The following ZEB1 variants were observed in gnomAD, a reference collection of about 807,000 sequenced individuals.
ZEB1 encodes the protein zinc finger E-box binding homeobox 1, also known as zinc finger E-box-binding homeobox 1.
Under a neutral mutation model 84.9 loss-of-function variants are expected in ZEB1, and 21 were observed. The observed-to-expected ratio is 0.25, with a 90% CI of 0.18 to 0.36. ZEB1 has a LOEUF of 0.36. Ranked by LOEUF, ZEB1 falls within the 10% of genes least tolerant of loss-of-function variation. ZEB1 has a pLI of 1.00. For synonymous variants in ZEB1, 420 were observed against 471.1 expected (o/e 0.89, Z 1.41); for missense variants, 1,104 against 1,330.2 (o/e 0.83, Z 2.65).
intron 1 of ZEB1, among the ~76,000 whole-genome samples, chr10:31,349,297 A>G (rs2040883288): frequency 6.6e-6 from 1 of 152,238 alleles, no homozygotes; most frequent in African/African-American, 2.4e-5. Flanking sequence ...TGCGTATACT[A>G]CATTCTCTCT....
intron 2 of ZEB1, among the ~76,000 whole-genome samples, chr10:31,468,841 C>T (rs1251428483): frequency 6.6e-6 from 1 of 152,120 alleles, no homozygotes; most frequent in Non-Finnish European, 1.5e-5. Flanking sequence ...GAGAAGGAAC[C>T]AGCACAAGAG....
intron 1 of ZEB1, among the ~76,000 whole-genome samples, chr10:31,417,934 A>G (rs764073883): frequency 7.9e-5 from 12 of 152,046 alleles, no homozygotes; most frequent in Admixed American, 2.0e-4. Context: ...CATCCCTAAT[A>G]TAGTATAAGT....
At chr10:31,369,478 T>C (rs2045291203) in intron 1 of ZEB1, among the ~76,000 whole-genome samples, 1 of 152,228 alleles carries the variant, frequency 6.6e-6, no homozygotes, top group African/African-American at 2.4e-5. Context: ...CTGCCTGACT[T>C]ATTTCACTTA....
At position 31,510,885 on chromosome 10, in the gene ZEB1, A is replaced by T; in HGVS notation, c.687+10A>T. On this transcript the variant is annotated intron_variant, in intron 5 of 8. Coordinates refer to ENST00000424869, the MANE Select transcript of ZEB1 (RefSeq NM_001174096.2). ...ATCAGGAAGAGATCAAGTAAGTGCA[A>T]TGACTGAGAGTTCACTAACTTTCCA... 6.2e-7 allele frequency: 1 copy of T among 1,613,188 alleles called. No homozygotes were observed. The highest frequency in any genetic ancestry group is 8.5e-7 in the Non-Finnish European group (1 of 1,179,444).
At chr10:31,460,958 CTT>C (rs1282600761) in intron 1 of ZEB1, 77 bp from the exon 2 acceptor site, 8 of 1,155,514 alleles carry the variant, frequency 6.9e-6, no homozygotes, top group African/African-American at 1.5e-5. Flanking sequence ...TTTTAAGCAT[CTT>C]TTTTATTTTT....
At chr10:31,480,011 A>G (rs1048438249) in intron 2 of ZEB1, among the ~76,000 whole-genome samples, 4 of 152,102 alleles carry the variant, frequency 2.6e-5, no homozygotes, top group South Asian at 4.1e-4. Flanking sequence ...CTTTTTAAGT[A>G]TAACTTTTGA....
chr10:31,503,229 G>C lies in ZEB1; in HGVS notation c.484+720G>C, dbSNP rs531485261. ...TCTAATAAAGGTTAAACCTTTTAAA[G>C]TTTGTCAGGTCCATACAGTACGATC... is the stretch of plus-strand genomic sequence containing the variant. On this transcript the variant is annotated intron_variant, in intron 4 of 8. Coordinates refer to ENST00000424869, the MANE Select transcript of ZEB1 (RefSeq NM_001174096.2). Among the ~76,000 whole-genome samples, 42 of 152,118 alleles carry C rather than the reference G, an allele frequency of 2.8e-4. 1 individual carries two copies. In the South Asian group the frequency reaches 8.5e-3, roughly 31 times the overall value.
chr10:31,386,019 TTTTAA>T (rs1161041516), intron 1 of ZEB1, among the ~76,000 whole-genome samples: 14 of 152,290 alleles, frequency 9.2e-5, no homozygotes, highest in African/African-American at 3.1e-4. Flanking sequence ...CATCTTCTGA[TTTTAA>T]TTTAATATTA....
At chr10:31,437,333 C>G (rs537387718) in intron 1 of ZEB1, among the ~76,000 whole-genome samples, 1 of 152,104 alleles carries the variant, frequency 6.6e-6, no homozygotes, top group Non-Finnish European at 1.5e-5. Context: ...CTTCATTCTC[C>G]TATCTTCTGA....
chr10:31,397,515 T>C (rs1017712369), intron 1 of ZEB1, among the ~76,000 whole-genome samples: 7 of 152,136 alleles, frequency 4.6e-5, no homozygotes, highest in African/African-American at 1.7e-4. Context: ...GTCTGCTTTC[T>C]GCAGAATACA....
At chr10:31,495,670 G>A (rs1435138518) in intron 2 of ZEB1, 106 bp from the exon 3 acceptor site, 3 of 1,105,152 alleles carry the variant, frequency 2.7e-6, no homozygotes, top group Non-Finnish European at 4.2e-6. Context: ...TATACAATGT[G>A]TAATGATCAG....
At chr10:31,356,671 T>G (rs186885770) in intron 1 of ZEB1, among the ~76,000 whole-genome samples, 53 of 152,296 alleles carry the variant, frequency 3.5e-4, no homozygotes, top group African/African-American at 1.2e-3. Context: ...CTTATTTCTT[T>G]CATGTACCTA....
At chr10:31,431,763 T>A (rs2057741035) in intron 1 of ZEB1, among the ~76,000 whole-genome samples, 1 of 152,216 alleles carries the variant, frequency 6.6e-6, no homozygotes, top group African/African-American at 2.4e-5. Flanking sequence ...TTACTTTCAA[T>A]CAGATGTACA....
chr10:31,331,081 C>CTTTTTTTTTTTTTTTTTTTTTTT (rs548615284), intron 1 of ZEB1, among the ~76,000 whole-genome samples: 26 of 77,872 alleles, frequency 3.3e-4, no homozygotes, highest in African/African-American at 5.7e-4. Flanking sequence ...TTCTTTCTTT[C>CTTTTTTTTTTTTTTTTTTTTTTT]TTTTTTTTTT....
chr10:31,368,580 T>C (rs2045050900), intron 1 of ZEB1, among the ~76,000 whole-genome samples: 1 of 152,198 alleles, frequency 6.6e-6, no homozygotes, highest in African/African-American at 2.4e-5. Context: ...TGTTGTTTTT[T>C]AAATTTTTTT....
intron 1 of ZEB1, among the ~76,000 whole-genome samples, chr10:31,458,919 GT>G (rs1564950172): frequency 1.3e-5 from 2 of 152,084 alleles, no homozygotes; most frequent in African/African-American, 4.8e-5. Context: ...TTATGATGGT[GT>G]TATGTCCTGA....
intron 5 of ZEB1, among the ~76,000 whole-genome samples, chr10:31,514,069 A>G (rs1237564852): frequency 6.6e-6 from 1 of 152,160 alleles, no homozygotes; most frequent in Non-Finnish European, 1.5e-5. Flanking sequence ...AAAAACTGGA[A>G]GTATTTTTTT....
At chr10:31,373,495 T>G (rs1376366286) in intron 1 of ZEB1, among the ~76,000 whole-genome samples, 1 of 151,888 alleles carries the variant, frequency 6.6e-6, no homozygotes, top group East Asian at 1.9e-4. Context: ...ATTGCTTGAC[T>G]GAAGTTTAAC....
chr10:31,426,855 A>G (rs1242346448), intron 1 of ZEB1, among the ~76,000 whole-genome samples: 1 of 152,186 alleles, frequency 6.6e-6, no homozygotes, highest in Non-Finnish European at 1.5e-5. Flanking sequence ...GATCTGGATC[A>G]GAGACATATG....
Sources: gnomAD v4.1 joint callset for allele counts (sites outside exome capture counted in the v4.1 genomes callset) on GRCh38, gnomAD v4.1.1 for gene constraint, MANE v1.5 for transcripts, NCBI Gene and HGNC (gene_info 2026-07-23, HGNC 2026-07-21) for gene names.